DNAH1: variants seen among roughly 807,000 people sequenced by gnomAD.
The protein encoded by DNAH1 is dynein axonemal heavy chain 1.
DNAH1 carries 327 observed loss-of-function variants against 484.3 expected under a neutral mutation model. That is an observed-to-expected ratio of 0.68 (90% CI 0.62 to 0.74). The LOEUF (loss-of-function observed/expected upper bound fraction) is 0.74, where lower values mean the gene tolerates loss of function less well. DNAH1 is among the 30% of genes least tolerant of loss of function. The pLI is 0.00. For synonymous variants in DNAH1, 2,192 were observed against 2,191.9 expected, an observed-to-expected ratio of 1.00 and a Z score of 0.00; for missense variants, 5,052 against 5,546.8, an observed-to-expected ratio of 0.91 and a Z score of 2.83.
intron 50 of DNAH1, 31 bp downstream of exon 50, chr3:52,382,486 G>A (rs746697249): frequency 2.2e-5 from 36 of 1,609,960 alleles, no homozygotes; most frequent in East Asian, 6.7e-5. Flanking sequence ...GGCAGGGCTC[G>A]GGGGGGCTGG....
intron 8 of DNAH1, among the ~76,000 whole-genome samples, chr3:52,334,801 A>G (rs947797603): frequency 2.0e-5 from 3 of 152,090 alleles, no homozygotes; most frequent in Non-Finnish European, 2.9e-5. Context: ...AGAAAAATGT[A>G]TGTAATTAAT....
rs1703257998 is a variant in DNAH1 at position 52,370,009 on chromosome 3, G to C, written c.6128G>C (p.Ser2043Thr). 1.2e-6 allele frequency: 2 copies of C among 1,613,100 alleles called. No homozygotes were observed. The highest frequency in any genetic ancestry group is 1.7e-6 in the Non-Finnish European group (2 of 1,179,206). Residue 2043 changes from serine to threonine, a missense_variant, in exon 38 of 78, where the codon AGC (serine) becomes ACC (threonine). Physicochemically the swap from Ser to Thr is moderately conservative, Grantham distance 58. Coordinates refer to ENST00000420323, the MANE Select transcript of DNAH1 (RefSeq NM_015512.5). ...GAGCATTTCAAGGCCCTCTTTGTCA[G>C]CTTCCTGGAGGTGAGTGAGGCCACG... ...YEEHFKALFV[S>T]FLEESISFVR...
At chr3:52,357,282 G>A (rs1325142224) in intron 22 of DNAH1, among the ~76,000 whole-genome samples, 1 of 152,104 alleles carries the variant, frequency 6.6e-6, no homozygotes, top group Non-Finnish European at 1.5e-5. Context: ...TCAAACTCCT[G>A]ACCTCAGGTG....
chr3:52,323,713 G>T, intron 2 of DNAH1, 95 bp from the exon 3 acceptor site: 1 of 886,514 alleles, frequency 1.1e-6, no homozygotes, highest in South Asian at 1.6e-5. Flanking sequence ...TCCCTGGTGG[G>T]TCTCAAGGGA....
chr3:52,333,628 T>C (rs890072527), intron 8 of DNAH1, among the ~76,000 whole-genome samples: 1 of 152,192 alleles, frequency 6.6e-6, no homozygotes, highest in South Asian at 2.1e-4. Context: ...CCTCAGGTAA[T>C]CCACTCGCCT....
intron 3 of DNAH1, among the ~76,000 whole-genome samples, 192 bp downstream of exon 3, chr3:52,324,072 C>G (rs1259985622): frequency 6.6e-6 from 1 of 152,162 alleles, no homozygotes; most frequent in Non-Finnish European, 1.5e-5. Flanking sequence ...GCTACCGAGT[C>G]ATTACTCTTA....
At chr3:52,370,279 T>G (rs1478326982) in intron 39 of DNAH1, 50 bp downstream of exon 39, 7 of 1,590,544 alleles carry the variant, frequency 4.4e-6, no homozygotes, top group Non-Finnish European at 6.0e-6. Context: ...CTCCCCACAC[T>G]GCTCTCCTTG....
chr3:52,371,825 A>C (rs1477977312), intron 41 of DNAH1, 121 bp from the exon 42 acceptor site: 11 of 1,425,120 alleles, frequency 7.7e-6, no homozygotes, highest in Middle Eastern at 2.2e-4. Context: ...CTGCACCTGG[A>C]CCCGCTTGCC....
rs367799933 is a variant in DNAH1, at chr3:52,361,370, C to T, written c.4874+18C>T. On this transcript the variant is annotated intron_variant, in intron 29 of 77. Coordinates refer to ENST00000420323, the MANE Select transcript of DNAH1 (RefSeq NM_015512.5). The surrounding 1 kb of genome is among the most constrained non-coding windows in gnomAD (Gnocchi z 5.6). Reference sequence around the variant, plus strand: ...CTGGCCAGGTGAGGCTGGGCATGAGCGTGGCACAGGATGGGGTGGGACAGC... The same window carrying T: ...CTGGCCAGGTGAGGCTGGGCATGAGTGTGGCACAGGATGGGGTGGGACAGC... 1.0e-4 allele frequency: 159 copies of T among 1,550,508 alleles called. No homozygotes were observed. Among genetic ancestry groups the T allele is most frequent in the Non-Finnish European group, 4.5e-5 (51 of 1,145,452 alleles).
chr3:52,323,122 C>A (rs541247497), intron 2 of DNAH1, among the ~76,000 whole-genome samples: 12 of 152,160 alleles, frequency 7.9e-5, no homozygotes, highest in Non-Finnish European at 1.3e-4. Context: ...ACCCCTTCCC[C>A]TGGCTCTGGT....
At chr3:52,387,598 C>G (rs983234143) in intron 56 of DNAH1, among the ~76,000 whole-genome samples, 11 of 152,224 alleles carry the variant, frequency 7.2e-5, no homozygotes, top group African/African-American at 2.7e-4. Context: ...AGAGGCCCCA[C>G]AGGCCTAATC....
chr3:52,326,115 C>G lies in DNAH1; in HGVS notation c.407-25C>G, dbSNP rs753025825. 7.1e-6 allele frequency: 11 copies of G among 1,547,162 alleles called. No homozygotes were observed. In the East Asian group the frequency reaches 2.1e-4, roughly 30 times the overall value. On this transcript the variant is annotated intron_variant, in intron 3 of 77. Coordinates refer to ENST00000420323, the MANE Select transcript of DNAH1 (RefSeq NM_015512.5). The stretch of plus-strand genomic sequence containing the variant: ...TTGGGTGCTGGCCTGAGCCCTGAAG[C>G]CCCTGCCCCTGCTTCTACCTGCAGT...
upstream of DNAH1, among the ~76,000 whole-genome samples, chr3:52,314,309 C>T (rs572664294): frequency 2.6e-5 from 4 of 152,342 alleles, no homozygotes; most frequent in Admixed American, 6.5e-5. Flanking sequence ...TGCCATCTGG[C>T]GCTTTGGCCC....
chr3:52,375,822 T>C, intron 45 of DNAH1, 133 bp from the exon 46 acceptor site: 1 of 1,027,306 alleles, frequency 9.7e-7, no homozygotes, highest in Non-Finnish European at 1.5e-6. Context: ...GGACGGAGTG[T>C]CTCTGAGCCT....
intron 5 of DNAH1, among the ~76,000 whole-genome samples, chr3:52,327,199 C>A (rs1701378925): frequency 6.6e-6 from 1 of 152,062 alleles, no homozygotes; most frequent in Admixed American, 6.6e-5. Flanking sequence ...GTGGAGTATC[C>A]TCCCTGACCA....
chr3:52,366,326 A>G (rs1453234213), intron 34 of DNAH1, 131 bp from the exon 35 acceptor site: 13 of 704,110 alleles, frequency 1.8e-5, no homozygotes, highest in Non-Finnish European at 2.9e-5. Flanking sequence ...TGCTACCACC[A>G]TCCTCATTTT....
intron 44 of DNAH1, chr3:52,374,661 C>T: frequency 6.9e-7 from 1 of 1,456,914 alleles, no homozygotes; most frequent in Non-Finnish European, 9.6e-7. Flanking sequence ...GAAGATTCTG[C>T]CCATCATGTT....
In DNAH1 at chr3:52,358,057, G is replaced by A; in HGVS notation, c.4086+54G>A. On this transcript the variant is annotated intron_variant, in intron 24 of 77. Coordinates refer to ENST00000420323, the MANE Select transcript of DNAH1 (RefSeq NM_015512.5). The surrounding 1 kb of genome is among the most constrained non-coding windows in gnomAD (Gnocchi z 4.2). ...TGGGAGCATGGGGCATCTTCCCAGG[G>A]AGAACGTCCCTCCCTTTGTGATGAG... 1 of 1,373,636 alleles carries A rather than the reference G, an allele frequency of 7.3e-7. No homozygotes were observed. Among genetic ancestry groups the A allele is most frequent in the Non-Finnish European group, 1.0e-6 (1 of 1,002,244 alleles). The allele number at this position is 1,373,636 out of a possible 1,614,324, so 85.1% of individuals were successfully genotyped here.
chr3:52,326,182 A>G lies in DNAH1; in HGVS notation c.449A>G (p.Glu150Gly). ...CCTGAAGACTTCCAGGAGCGCATGG[A>G]GCAGCAGTGCATCGGGTCCACCACC... Reference protein sequence around the residue: ...EVPEDFQERMEQQCIGSTTRL... With the variant: ...EVPEDFQERMGQQCIGSTTRL... The change falls in exon 4 of 78, where the codon GAG (glutamate) becomes GGG (glycine). Residue 150 changes from glutamate (E) to glycine (G), a missense_variant. Around this residue, in one of 4 missense-constraint regions of DNAH1, gnomAD observed 1,263 missense variants for 1,218.8 expected, o/e 1.04. Coordinates refer to ENST00000420323, the MANE Select transcript of DNAH1 (RefSeq NM_015512.5). 6.2e-7 allele frequency: 1 copy of G among 1,612,642 alleles called. No individual in the cohort carries two copies. The highest frequency in any genetic ancestry group is 1.1e-5 in the South Asian group (1 of 90,666).
Sources: gnomAD v4.1 joint callset for allele counts (sites outside exome capture counted in the v4.1 genomes callset) on GRCh38, gnomAD v4.1.1 for gene constraint, gnomAD v4.1.1 regional missense constraint, Gnocchi (gnomAD v3.1) non-coding constraint, MANE v1.5 for transcripts, NCBI Gene and HGNC (gene_info 2026-07-23, HGNC 2026-07-21) for gene names.